The following DISP3 variants were observed in gnomAD, a reference collection of about 807,000 sequenced individuals.
The protein encoded by DISP3 is protein dispatched homolog 3.
In DISP3, 101 loss-of-function variants were observed where a neutral mutation model predicts 135.3. The ratio of observed to expected loss-of-function variants is 0.75; its 90% CI spans 0.64 to 0.88. DISP3 has a LOEUF of 0.88. DISP3 is among the 40% of genes least tolerant of loss of function. The probability of loss-of-function intolerance (pLI) is 0.00; values close to 1 mark genes in which losing one functional copy is unlikely to be tolerated. For missense variants in DISP3, 1,713 were observed against 1,878.6 expected (o/e 0.91, Z 1.63); for synonymous variants, 856 against 817.0 (o/e 1.05, Z -0.81).
intron 6 of DISP3, among the ~76,000 whole-genome samples, chr1:11,517,188 G>A (rs1231386762): frequency 6.6e-6 from 1 of 152,204 alleles, no homozygotes; most frequent in Non-Finnish European, 1.5e-5. Flanking sequence ...CTGCCTCTGT[G>A]CCAGGCACTG....
In DISP3 at chr1:11,536,265, G is replaced by C. The variant is rs1041199853; in HGVS notation, c.3817-59G>C. ...GGGGTGGGGGTGCGTGATTCCCCAG[G>C]TGCTGGCCAGAGGGGTCCCGCAGGC... is the stretch of plus-strand genomic sequence containing the variant. On this transcript the variant is annotated intron_variant, in intron 20 of 20. Coordinates refer to ENST00000294484, the MANE Select transcript of DISP3 (RefSeq NM_020780.2). The surrounding 1 kb of genome is among the most constrained non-coding windows in gnomAD (Gnocchi z 4.3). The C allele has an allele frequency of 3.9e-6, 6 of 1,547,048 alleles. No individual in the cohort carries two copies. In the African/African-American group the frequency reaches 8.1e-5, roughly 21 times the overall value.
At chr1:11,493,851 C>T (rs146321586) in intron 1 of DISP3, among the ~76,000 whole-genome samples, 4 of 152,374 alleles carry the variant, frequency 2.6e-5, no homozygotes, top group African/African-American at 9.6e-5. Context: ...CCATCACACC[C>T]ATGACCCATT....
chr1:11,524,200 G>C, intron 11 of DISP3, 145 bp downstream of exon 11: 2 of 649,762 alleles, frequency 3.1e-6, no homozygotes, highest in South Asian at 3.8e-5. Context: ...GCTGGGGATG[G>C]GGGGTGAATT....
rs1642008757 is a variant in DISP3, at chr1:11,516,218, C to T, written c.1749+57C>T. 1 of 1,573,286 alleles carries T rather than the reference C, an allele frequency of 6.4e-7. No individual in the cohort carries two copies. Among genetic ancestry groups the T allele is most frequent in the Non-Finnish European group, 8.7e-7 (1 of 1,153,540 alleles). Reference sequence around the variant, plus strand: ...CTCCCACACGCTCATGCATACCTAGCCGCTGGTCTCTGCCCTTCCCACCAC... The same window carrying T: ...CTCCCACACGCTCATGCATACCTAGTCGCTGGTCTCTGCCCTTCCCACCAC... On this transcript the variant is annotated intron_variant, in intron 6 of 20. Transcript: ENST00000294484. This position sits in a 1 kb window ranked among gnomAD's most constrained non-coding sequence, Gnocchi z 5.1.
At chr1:11,518,934 A>G (rs1419624390) in intron 7 of DISP3, among the ~76,000 whole-genome samples, 2 of 151,516 alleles carry the variant, frequency 1.3e-5, no homozygotes, top group Non-Finnish European at 2.9e-5. Context: ...TCATGTGTTC[A>G]CTCCAGCTGA....
rs1473781398 is a variant in DISP3 at position 11,519,743 on chromosome 1, C to T, written c.2063C>T (p.Ser688Phe). 1.9e-6 allele frequency: 3 copies of T among 1,613,074 alleles called. No homozygotes were observed. The East Asian group carries it at 6.7e-5, about 36-fold the overall frequency. Residue 688 changes from serine (S) to phenylalanine (F), a missense_variant, in exon 9 of 21, where the codon TCC (serine) becomes TTC (phenylalanine). Coordinates refer to ENST00000294484, the MANE Select transcript of DISP3 (RefSeq NM_020780.2). This position sits in a 1 kb window ranked among gnomAD's most constrained non-coding sequence, Gnocchi z 4.3. Reference sequence around the variant, plus strand: ...GTGTCACTGGAGCTGGGAGACGTGTCCCTGGTGTCTGTGTCCCCCGAGGGT... The same window carrying T: ...GTGTCACTGGAGCTGGGAGACGTGTTCCTGGTGTCTGTGTCCCCCGAGGGT... ...EPVSLELGDV[S>F]LVSVSPEGLQ...
At chr1:11,509,416 A>AT (rs1641793443) in intron 3 of DISP3, among the ~76,000 whole-genome samples, 1 of 151,878 alleles carries the variant, frequency 6.6e-6, no homozygotes, top group Non-Finnish European at 1.5e-5. Flanking sequence ...AAGTTCATTG[A>AT]TTGTGTTGTT....
chr1:11,536,412 T>C lies in DISP3; in HGVS notation c.3905T>C (p.Ile1302Thr). 1 of 1,612,848 alleles carries C rather than the reference T, an allele frequency of 6.2e-7. No individual in the cohort carries two copies. Among genetic ancestry groups the C allele is most frequent in the Middle Eastern group, 1.6e-4 (1 of 6,062 alleles). The stretch of plus-strand genomic sequence containing the variant: ...GTCTCCAGTGCCCTCACCACGGTCA[T>C]CGCCACAGTGCCCCTCTTCTTCTGC... The part of the protein sequence containing the change: ...AIVSSALTTV[I>T]ATVPLFFCII... Residue 1302 changes from isoleucine (I) to threonine (T), a missense_variant, in exon 21 of 21, where the codon ATC becomes ACC. Physicochemically the swap from Ile to Thr is moderately conservative, Grantham distance 89. Transcript: ENST00000294484. The surrounding 1 kb of genome is among the most constrained non-coding windows in gnomAD (Gnocchi z 4.3).
At chr1:11,486,466 G>A (rs1641038757) in intron 1 of DISP3, among the ~76,000 whole-genome samples, 2 of 152,198 alleles carry the variant, frequency 1.3e-5, no homozygotes, top group South Asian at 4.1e-4. Context: ...TAGCTGCTGT[G>A]GGTTCCCTCC....
At chr1:11,497,002 G>A (rs994566074) in intron 1 of DISP3, among the ~76,000 whole-genome samples, 116 of 152,266 alleles carry the variant, frequency 7.6e-4, no homozygotes, top group African/African-American at 2.7e-3. Flanking sequence ...TCATGTTGGG[G>A]GCAGACTGAG....
chr1:11,495,999 C>G lies in DISP3; in HGVS notation c.-3-4991C>G, dbSNP rs141716539. On this transcript the variant is annotated intron_variant, in intron 1 of 20. Transcript: ENST00000294484. The stretch of plus-strand genomic sequence containing the variant: ...TTCTAAAAGTAAGGATATACCTGAT[C>G]ATTGCAGAAAAATTAGAAACAGACA... Among the ~76,000 whole-genome samples, 23 of 152,328 alleles carry G rather than the reference C, an allele frequency of 1.5e-4. No homozygotes were observed. In the East Asian group the frequency reaches 3.9e-3, roughly 26 times the overall value.
At chr1:11,528,238 G>C (rs2100506075) in intron 13 of DISP3, among the ~76,000 whole-genome samples, 1 of 152,320 alleles carries the variant, frequency 6.6e-6, no homozygotes, top group African/African-American at 2.4e-5. Flanking sequence ...CACAGGCCCA[G>C]TCCCTGCTAG....
chr1:11,491,948 C>T lies in DISP3; in HGVS notation c.-3-9042C>T, dbSNP rs1641195985. ...CCATCCCGGCTAAAACGGTGAAACC[C>T]CGTCTCTACTAAAAATACAAAAAAT... On this transcript the variant is annotated intron_variant, in intron 1 of 20. Transcript: ENST00000294484. This position sits in a 1 kb window ranked among gnomAD's most constrained non-coding sequence, Gnocchi z 4.3. Among the ~76,000 whole-genome samples the T allele has an allele frequency of 6.6e-6, 1 of 150,966 alleles. No individual in the cohort carries two copies. The highest frequency in any genetic ancestry group is 2.1e-4 in the South Asian group (1 of 4,730).
intron 7 of DISP3, among the ~76,000 whole-genome samples, chr1:11,518,681 C>A (rs1301112485): frequency 2.6e-5 from 4 of 152,184 alleles, no homozygotes; most frequent in South Asian, 4.1e-4. Flanking sequence ...AGCCATGAAA[C>A]CCTGGACAGG....
chr1:11,488,105 T>C (rs888637673), intron 1 of DISP3, among the ~76,000 whole-genome samples: 25 of 152,158 alleles, frequency 1.6e-4, no homozygotes, highest in African/African-American at 6.0e-4. Flanking sequence ...GTAGCTTCGC[T>C]GGGTCTCTCC....
rs771570129 is a variant in DISP3, at chr1:11,517,532, G to T, written c.1819G>T (p.Val607Phe). ...GTCCTGTTGCTGGCTGGCCGTGCTTGTCACCATGCCTGCAGCTCTGGGCCT... is the reference window on the plus strand; with the variant it reads ...GTCCTGTTGCTGGCTGGCCGTGCTTTTCACCATGCCTGCAGCTCTGGGCCT... ...IVSCCWLAVL[V>F]TMPAALGLWS... The change falls in exon 7 of 21, where the codon GTC (valine) becomes TTC (phenylalanine). Residue 607 changes from valine (V) to phenylalanine (F), a missense_variant. Val to Phe is a conservative substitution (Grantham distance 50). This residue lies in a region of DISP3 where 1,142 missense variants were observed against 1,384.6 expected (regional missense o/e 0.82). Transcript: ENST00000294484. 6.2e-7 allele frequency: 1 copy of T among 1,614,222 alleles called. No homozygotes were observed. The highest frequency in any genetic ancestry group is 8.5e-7 in the Non-Finnish European group (1 of 1,180,048).
At position 11,521,607 on chromosome 1, in the gene DISP3, G is replaced by A. The variant is rs1178423449; in HGVS notation, c.2362+759G>A. 3.2e-5 allele frequency among the ~76,000 whole-genome samples: 4 copies of A among 126,498 alleles called. No individual in the cohort carries two copies. In the East Asian group the frequency reaches 1.1e-3, roughly 34 times the overall value. The allele number at this position is 126,498 out of a possible 152,430, so 83.0% of individuals were successfully genotyped here. A position where few individuals can be genotyped will look rare whatever the true frequency, so the allele number is the denominator to read the frequency against. On this transcript the variant is annotated intron_variant, in intron 10 of 20. Transcript: ENST00000294484. The stretch of plus-strand genomic sequence containing the variant: ...TAGCCAGTTGAGGAGGGGAGAGAGG[G>A]AAGGGGTGGGGTTAGCCAGGCTGGG...
Position 11,529,501 on chromosome 1 carries a change from C to T in DISP3, c.2799-55C>T, listed in dbSNP as rs1408859585. ...CAACCCTGGCCTGCTGGCCTCACCT[C>T]CCCTGACTCCTCCTAGCCTTTCCGG... On this transcript the variant is annotated intron_variant, in intron 13 of 20. Transcript: ENST00000294484. The surrounding 1 kb of genome is among the most constrained non-coding windows in gnomAD (Gnocchi z 4.7). 6.6e-7 allele frequency: 1 copy of T among 1,520,422 alleles called. No homozygotes were observed. Among genetic ancestry groups the T allele is most frequent in the Non-Finnish European group, 8.8e-7 (1 of 1,131,364 alleles). 94.2% of individuals were successfully genotyped at this position (1,520,422 alleles called of 1,614,324 possible).
rs1043754135 is a variant in DISP3 at position 11,516,896 on chromosome 1, CAT to C, written c.1750-566_1750-565del. On this transcript the variant is annotated intron_variant, in intron 6 of 20. Transcript: ENST00000294484. This position sits in a 1 kb window ranked among gnomAD's most constrained non-coding sequence, Gnocchi z 5.1. ...TGACCTCTCTGAGCCTCGCTTTCCT[CAT>C]GTGTGGATTATCCAGGGACTGAGAT... is the stretch of plus-strand genomic sequence containing the variant. 1.3e-5 allele frequency among the ~76,000 whole-genome samples: 2 copies of C among 152,156 alleles called. No homozygotes were observed. Among genetic ancestry groups the C allele is most frequent in the African/African-American group, 4.8e-5 (2 of 41,420 alleles).
Sources: gnomAD v4.1 joint callset for allele counts (sites outside exome capture counted in the v4.1 genomes callset) on GRCh38, gnomAD v4.1.1 for gene constraint, gnomAD v4.1.1 regional missense constraint, Gnocchi (gnomAD v3.1) non-coding constraint, MANE v1.5 for transcripts, NCBI Gene and HGNC (gene_info 2026-07-23, HGNC 2026-07-21) for gene names.